ERICH3: variants seen among roughly 807,000 people sequenced by gnomAD.
ERICH3 encodes the protein glutamate-rich protein 3.
ERICH3 carries 126 observed loss-of-function variants against 131.1 expected under a neutral mutation model. The ratio of observed to expected loss-of-function variants is 0.96; its 90% CI spans 0.83 to 1.11. The LOEUF is 1.11. Ranked by LOEUF, ERICH3 falls within the 50% of genes most tolerant of loss-of-function variation. The probability of loss-of-function intolerance (pLI) is 0.00; values close to 1 mark genes in which losing one functional copy is unlikely to be tolerated. For missense variants in ERICH3, 2,050 were observed against 1,810.7 expected (o/e 1.13, Z -2.40); for synonymous variants, 695 against 644.6 (o/e 1.08, Z -1.18).
chr1:74,617,170 C>CAAAAAAAAAAAAAAAAAAAA, intron 8 of ERICH3, among the ~76,000 whole-genome samples: 1 of 62,972 alleles, frequency 1.6e-5, no homozygotes, highest in Non-Finnish European at 3.1e-5. Flanking sequence ...CAACAAAAAA[C>CAAAAAAAAAAAAAAAAAAAA]AAACAAAAAA....
Position 74,572,697 on chromosome 1 carries a change from G to A in ERICH3, c.3013C>T (p.Arg1005Trp). 4.3e-6 allele frequency: 7 copies of A among 1,613,394 alleles called. No homozygotes were observed. The highest frequency in any genetic ancestry group is 5.9e-6 in the Non-Finnish European group (7 of 1,179,876). The change falls in exon 14 of 15, where the codon CGG becomes TGG. Residue 1005 changes from arginine to tryptophan, a missense_variant. Transcript: ENST00000326665. ...GGGCTGCCCTCCGAAACCTGCATCC[G>A]GCTTGCCTCTGCCTCTCCTGTGAAG... is the stretch of plus-strand genomic sequence containing the variant. ...SPFTGEAEAS[R>W]MQVSEGSPEE...
chr1:74,670,807 TGTAGAGA>T, intron 1 of ERICH3, among the ~76,000 whole-genome samples: 1 of 152,182 alleles, frequency 6.6e-6, no homozygotes, highest in Non-Finnish European at 1.5e-5. Context: ...TTTTTCTTCT[TGTAGAGA>T]GCCTACAAAT....
intron 12 of ERICH3, among the ~76,000 whole-genome samples, chr1:74,579,251 T>C (rs1647132866): frequency 6.6e-6 from 1 of 152,154 alleles, no homozygotes; most frequent in Admixed American, 6.6e-5. Flanking sequence ...CCATCAGTGC[T>C]AAGACATCAA....
intron 1 of ERICH3, among the ~76,000 whole-genome samples, chr1:74,666,737 C>T (rs1361741290): frequency 6.6e-6 from 1 of 151,774 alleles, no homozygotes; most frequent in Admixed American, 6.6e-5. Context: ...ATGTTTGGGT[C>T]GACTTTTTAG....
intron 5 of ERICH3, among the ~76,000 whole-genome samples, chr1:74,638,199 C>T (rs563164787): frequency 1.1e-3 from 160 of 152,246 alleles, no homozygotes; most frequent in African/African-American, 3.7e-3. Flanking sequence ...AGAAGTTAGG[C>T]TTGAGAAGCA....
Position 74,572,090 on chromosome 1 carries a change from C to T in ERICH3, c.3620G>A (p.Gly1207Glu), listed in dbSNP as rs767594145. Residue 1207 changes from glycine to glutamate, a missense_variant, in exon 14 of 15, where the codon GGG (glycine) becomes GAG (glutamate). Coordinates refer to ENST00000326665, the MANE Select transcript of ERICH3 (RefSeq NM_001002912.5). ...SSRENRALKE[G>E]HRQDGEGALA... ...GGCCCCCTCTCCATCTTGGCGGTGC[C>T]CTTCCTTCAGGGCCCTATTCTCCCT... 1 of 1,614,222 alleles carries T rather than the reference C, an allele frequency of 6.2e-7. No homozygotes were observed. Among genetic ancestry groups the T allele is most frequent in the South Asian group, 1.1e-5 (1 of 91,086 alleles).
At position 74,572,057 on chromosome 1, in the gene ERICH3, G is replaced by A; in HGVS notation, c.3653C>T (p.Ala1218Val). The change falls in exon 14 of 15, where the codon GCT (alanine) becomes GTT (valine). Residue 1218 changes from alanine to valine, a missense_variant. By Grantham distance (64) the Ala-to-Val change is moderately conservative. Transcript: ENST00000326665. The stretch of plus-strand genomic sequence containing the variant: ...CTTTCCTGCTGGCTCAGCTTCAGGA[G>A]CTGCTAAGGCCCCCTCTCCATCTTG... ...HRQDGEGALA[A>V]PEAEPAGKVQ... 1.9e-6 allele frequency: 3 copies of A among 1,614,204 alleles called. No homozygotes were observed. The highest frequency in any genetic ancestry group is 1.7e-4 in the Middle Eastern group (1 of 6,060).
At chr1:74,603,579 T>C (rs1229066347) in intron 10 of ERICH3, among the ~76,000 whole-genome samples, 2 of 152,010 alleles carry the variant, frequency 1.3e-5, no homozygotes, top group South Asian at 4.1e-4. Context: ...TCTGTGAATG[T>C]ATACCTATAT....
intron 1 of ERICH3, among the ~76,000 whole-genome samples, chr1:74,664,421 ATAT>A (rs1172628700): frequency 2.0e-5 from 3 of 152,118 alleles, no homozygotes; most frequent in Non-Finnish European, 4.4e-5. Flanking sequence ...AACAGAAACA[ATAT>A]TATGGCAAAT....
intron 6 of ERICH3, among the ~76,000 whole-genome samples, chr1:74,632,769 G>T (rs12117493): frequency 0.43 from 64,731 of 151,656 alleles, 14,841 homozygotes; most frequent in Non-Finnish European, 0.52. Flanking sequence ...AATAATTTAC[G>T]TGTGAATTCT....
intron 1 of ERICH3, among the ~76,000 whole-genome samples, chr1:74,670,016 T>C (rs536816571): frequency 6.6e-6 from 1 of 152,348 alleles, no homozygotes; most frequent in South Asian, 2.1e-4. Flanking sequence ...ACTTTTATTA[T>C]TTCCAAATGG....
intron 1 of ERICH3, among the ~76,000 whole-genome samples, chr1:74,669,620 T>C (rs916116042): frequency 3.3e-5 from 5 of 152,250 alleles, no homozygotes; most frequent in Non-Finnish European, 7.3e-5. Flanking sequence ...ATAGCAATGC[T>C]GGAAATGGTA....
intron 10 of ERICH3, among the ~76,000 whole-genome samples, chr1:74,600,940 G>A (rs934426949): frequency 1.3e-5 from 2 of 151,630 alleles, no homozygotes; most frequent in African/African-American, 4.8e-5. Flanking sequence ...TTACTTGAGA[G>A]CTGTCCACCC....
At chr1:74,577,884 T>C (rs1378039493) in intron 12 of ERICH3, among the ~76,000 whole-genome samples, 1 of 152,220 alleles carries the variant, frequency 6.6e-6, no homozygotes, top group Admixed American at 6.5e-5. Context: ...CTAAAACTAC[T>C]AGAGCTGACT....
chr1:74,607,697 C>T (rs755509017), intron 9 of ERICH3, among the ~76,000 whole-genome samples: 1 of 151,790 alleles, frequency 6.6e-6, no homozygotes, highest in East Asian at 1.9e-4. Flanking sequence ...TCTGGTGAAC[C>T]ATGCAGATAA....
At chr1:74,665,645 T>A (rs774085412) in intron 1 of ERICH3, among the ~76,000 whole-genome samples, 5 of 152,162 alleles carry the variant, frequency 3.3e-5, no homozygotes, top group Non-Finnish European at 5.9e-5. Context: ...AAGAGTCTGT[T>A]TCAGGTCTCT....
intron 8 of ERICH3, among the ~76,000 whole-genome samples, chr1:74,614,299 G>A (rs1648838869): frequency 6.8e-6 from 1 of 148,106 alleles, no homozygotes; most frequent in South Asian, 2.2e-4. Flanking sequence ...CCAAAATAAT[G>A]AGTGAATTAT....
chr1:74,639,850 T>A (rs575219554), intron 5 of ERICH3, among the ~76,000 whole-genome samples: 89 of 152,264 alleles, frequency 5.8e-4, no homozygotes, highest in African/African-American at 2.1e-3. Flanking sequence ...ATTATCTTCA[T>A]CTCAGGGACA....
At chr1:74,591,820 T>C (rs1189791210) in intron 11 of ERICH3, 1 of 152,156 alleles carries the variant, frequency 6.6e-6, no homozygotes, top group East Asian at 1.9e-4. Context: ...CTGTAATTGT[T>C]TTTTTTATAC....
Sources: gnomAD v4.1 joint callset for allele counts (sites outside exome capture counted in the v4.1 genomes callset) on GRCh38, gnomAD v4.1.1 for gene constraint, MANE v1.5 for transcripts, NCBI Gene and HGNC (gene_info 2026-07-23, HGNC 2026-07-21) for gene names.